Variants in SGCZ observed in about 807,000 individuals in gnomAD.
The protein encoded by SGCZ is sarcoglycan zeta, also known as zeta-sarcoglycan.
In SGCZ, 40 loss-of-function variants were observed where a neutral mutation model predicts 41.3. That is an observed-to-expected ratio of 0.97 (90% CI 0.75 to 1.26). SGCZ has a LOEUF of 1.26. Ranked by LOEUF, SGCZ falls within the 50% of genes most tolerant of loss-of-function variation. The pLI is 0.00. For missense variants in SGCZ, 552 were observed against 369.8 expected, an observed-to-expected ratio of 1.49 and a Z score of -4.04; for synonymous variants, 206 against 137.5, an observed-to-expected ratio of 1.50 and a Z score of -3.49.
intron 1 of SGCZ, among the ~76,000 whole-genome samples, chr8:15,161,093 C>A (rs1328681257): frequency 6.6e-6 from 1 of 152,078 alleles, no homozygotes; most frequent in Non-Finnish European, 1.5e-5. Flanking sequence ...CTCTCAAATC[C>A]TTAGGTGATC....
intron 2 of SGCZ, among the ~76,000 whole-genome samples, chr8:14,430,729 C>T (rs1585501532): frequency 6.6e-6 from 1 of 152,134 alleles, no homozygotes. Flanking sequence ...AAAGGGCATC[C>T]AAATCGGAAA....
At chr8:14,385,194 A>G (rs919830963) in intron 2 of SGCZ, among the ~76,000 whole-genome samples, 9 of 152,124 alleles carry the variant, frequency 5.9e-5, no homozygotes, top group African/African-American at 2.2e-4. Context: ...ATTAGTGAAC[A>G]TGGAGTTGAG....
At chr8:15,064,445 C>A (rs547408543) in intron 1 of SGCZ, among the ~76,000 whole-genome samples, 1 of 145,340 alleles carries the variant, frequency 6.9e-6, no homozygotes, top group South Asian at 2.2e-4. Flanking sequence ...TCTAGACAAA[C>A]AAAGAAATTA....
chr8:14,789,647 C>T (rs1370873137), intron 1 of SGCZ, among the ~76,000 whole-genome samples: 1 of 152,080 alleles, frequency 6.6e-6, no homozygotes, highest in East Asian at 1.9e-4. Context: ...CCTCTCTGAC[C>T]CAGGACCTTT....
chr8:14,713,129 A>G (rs1200884585), intron 1 of SGCZ, among the ~76,000 whole-genome samples: 1 of 152,218 alleles, frequency 6.6e-6, no homozygotes, highest in Non-Finnish European at 1.5e-5. Flanking sequence ...AGCTATGATT[A>G]GAACTAATGA....
At chr8:14,173,976 T>G (rs1178807506) in intron 4 of SGCZ, among the ~76,000 whole-genome samples, 2 of 152,212 alleles carry the variant, frequency 1.3e-5, no homozygotes, top group East Asian at 3.9e-4. Context: ...TAATAACTGC[T>G]AAGTAAACCT....
At chr8:14,430,781 T>C (rs1291674707) in intron 2 of SGCZ, among the ~76,000 whole-genome samples, 1 of 152,184 alleles carries the variant, frequency 6.6e-6, no homozygotes, top group East Asian at 1.9e-4. Context: ...AATATCATTG[T>C]TTATCTAGAA....
rs1425285356 is a variant in SGCZ, at chr8:14,089,578, T to A, written c.*865A>T. On this transcript the variant is annotated 3_prime_UTR_variant, in exon 8 of 8. Transcript: ENST00000382080. ...AGGTGTAAAGGATAGCATGTGAATT[T>A]TTTAAAAATCATCTATGGATTTAAT... Among the ~76,000 whole-genome samples the A allele has an allele frequency of 6.6e-6, 1 of 151,994 alleles. No individual in the cohort carries two copies. The highest frequency in any genetic ancestry group is 2.4e-5 in the African/African-American group (1 of 41,420).
intron 2 of SGCZ, among the ~76,000 whole-genome samples, chr8:14,541,007 G>C (rs955838566): frequency 2.0e-5 from 3 of 150,366 alleles, no homozygotes; most frequent in East Asian, 2.0e-4. Flanking sequence ...TGTATATATA[G>C]AGATGAGAAC....
chr8:14,911,896 A>T (rs979724049), intron 1 of SGCZ, among the ~76,000 whole-genome samples: 2 of 152,094 alleles, frequency 1.3e-5, no homozygotes, highest in East Asian at 1.9e-4. Flanking sequence ...TATAAGTAAT[A>T]TTTTATCTCT....
At chr8:14,625,890 G>C (rs1019633347) in intron 1 of SGCZ, among the ~76,000 whole-genome samples, 1 of 152,150 alleles carries the variant, frequency 6.6e-6, no homozygotes, top group African/African-American at 2.4e-5. Flanking sequence ...GGTCAAATGA[G>C]AATTCATGAT....
chr8:14,159,936 T>C (rs963728191), intron 5 of SGCZ, among the ~76,000 whole-genome samples: 10 of 152,162 alleles, frequency 6.6e-5, no homozygotes, highest in African/African-American at 2.4e-4. Context: ...CTTCAGAAAG[T>C]CCTTTCTTCT....
chr8:14,802,859 ACAGG>A (rs1801371160), intron 1 of SGCZ, among the ~76,000 whole-genome samples: 1 of 152,158 alleles, frequency 6.6e-6, no homozygotes, highest in Admixed American at 6.5e-5. Context: ...GCATCCTGTT[ACAGG>A]CACTCAACTC....
intron 1 of SGCZ, among the ~76,000 whole-genome samples, chr8:15,031,883 A>G (rs1803677009): frequency 7.2e-6 from 1 of 139,098 alleles, no homozygotes; most frequent in Non-Finnish European, 1.6e-5. Flanking sequence ...TACTCTCTAT[A>G]TTCTATACCC....
At chr8:14,996,309 G>C (rs866014472) in intron 1 of SGCZ, among the ~76,000 whole-genome samples, 1 of 152,216 alleles carries the variant, frequency 6.6e-6, no homozygotes, top group Non-Finnish European at 1.5e-5. Context: ...TGAAAAGCAT[G>C]TCTCTTTAAC....
intron 1 of SGCZ, among the ~76,000 whole-genome samples, chr8:14,831,554 G>A (rs916728465): frequency 6.6e-6 from 1 of 151,810 alleles, no homozygotes; most frequent in South Asian, 2.1e-4. Flanking sequence ...TGGGAAACAT[G>A]TTCAACTTCA....
Position 14,087,938 on chromosome 8 carries a change from T to C in SGCZ, c.*2505A>G, listed in dbSNP as rs550707933. ...TCTACTGTACTGAACCGATTTGTTA[T>C]ATCATCTGGATACAGTCTAAAGCTC... On this transcript the variant is annotated 3_prime_UTR_variant, in exon 8 of 8. Coordinates refer to ENST00000382080, the MANE Select transcript of SGCZ (RefSeq NM_139167.4). Among the ~76,000 whole-genome samples the C allele has an allele frequency of 6.6e-6, 1 of 151,912 alleles. No individual in the cohort carries two copies. Among genetic ancestry groups the C allele is most frequent in the African/African-American group, 2.4e-5 (1 of 41,528 alleles).
chr8:14,521,110 A>T (rs1044901929), intron 2 of SGCZ, among the ~76,000 whole-genome samples: 6 of 152,276 alleles, frequency 3.9e-5, no homozygotes, highest in African/African-American at 1.4e-4. Context: ...AACAGAAAAC[A>T]CAGCCAGGAT....
chr8:14,544,833 C>T (rs949232833), intron 2 of SGCZ, among the ~76,000 whole-genome samples: 1 of 152,118 alleles, frequency 6.6e-6, no homozygotes, highest in East Asian at 1.9e-4. Flanking sequence ...CTTTCTTGGG[C>T]CCTTATCAGT....
Sources: gnomAD v4.1 joint callset for allele counts (sites outside exome capture counted in the v4.1 genomes callset) on GRCh38, gnomAD v4.1.1 for gene constraint, MANE v1.5 for transcripts, NCBI Gene and HGNC (gene_info 2026-07-23, HGNC 2026-07-21) for gene names.